SERPINA12: variants seen among roughly 807,000 people sequenced by gnomAD.
The protein encoded by SERPINA12 is serpin A12.
A neutral mutation model predicts 25.9 loss-of-function variants in SERPINA12; 21 were observed. The ratio of observed to expected loss-of-function variants is 0.81; its 90% CI spans 0.58 to 1.17. SERPINA12 has a LOEUF of 1.17. SERPINA12 is among the 50% of genes most tolerant of loss of function. The pLI, the probability that SERPINA12 is intolerant of heterozygous loss-of-function variation, is 0.00. For missense variants in SERPINA12, 562 were observed against 508.3 expected (o/e 1.11, Z -1.02); for synonymous variants, 220 against 196.0 (o/e 1.12, Z -1.02).
chr14:94,511,921 A>G (rs151129990), upstream of SERPINA12, among the ~76,000 whole-genome samples: 96 of 152,122 alleles, frequency 6.3e-4, no homozygotes, highest in African/African-American at 2.3e-3. Flanking sequence ...AATATGGTAA[A>G]ACCCCATCTC....
At chr14:94,500,850 A>G in intron 1 of SERPINA12, 1 of 985,378 alleles carries the variant, frequency 1.0e-6, no homozygotes, top group African/African-American at 1.7e-5. Flanking sequence ...CTTGAAGCCA[A>G]AAACATCCTC....
At position 94,506,346 on chromosome 14, in the gene SERPINA12, A is replaced by T. The variant is rs149567991; in HGVS notation, c.-34+2996T>A. 6.4e-4 allele frequency among the ~76,000 whole-genome samples: 98 copies of T among 152,244 alleles called. No homozygotes were observed. The East Asian group carries it at 0.015, about 23-fold the overall frequency. Reference sequence around the variant, plus strand: ...CCCTAACTCCAAGAGCTCTGGTCTGATGGGAACACAGAACACAGAGATACA... The same window carrying T: ...CCCTAACTCCAAGAGCTCTGGTCTGTTGGGAACACAGAACACAGAGATACA... On this transcript the variant is annotated intron_variant, in intron 1 of 4. Transcript: ENST00000677451.
chr14:94,515,002 A>G (rs541684609), intron 2 of SERPINA12, among the ~76,000 whole-genome samples: 121 of 152,260 alleles, frequency 7.9e-4, no homozygotes, highest in African/African-American at 2.8e-3. Flanking sequence ...CTGGCCAGAA[A>G]AGAAGGCCAA....
chr14:94,497,138 T>G (rs1184682554), intron 2 of SERPINA12, among the ~76,000 whole-genome samples: 2 of 152,240 alleles, frequency 1.3e-5, no homozygotes, highest in African/African-American at 4.8e-5. Context: ...CCAACCTGTT[T>G]GTGTACATGT....
intron 1 of SERPINA12, chr14:94,503,991 G>A (rs1221847173): frequency 1.3e-5 from 2 of 152,236 alleles, no homozygotes; most frequent in East Asian, 1.9e-4. Context: ...GGGTTTACCT[G>A]GATTTTGGAG....
chr14:94,510,111 C>T (rs1595701211), upstream of SERPINA12: 1 of 985,444 alleles, frequency 1.0e-6, no homozygotes, highest in Non-Finnish European at 1.2e-6. Flanking sequence ...CATAATGCAC[C>T]TGGTGGCTGG....
chr14:94,489,824 G>A, intron 3 of SERPINA12, 57 bp from the exon 4 acceptor site: 4 of 1,557,140 alleles, frequency 2.6e-6, no homozygotes, highest in Admixed American at 1.7e-5. Context: ...TGCAGGGCAA[G>A]CCTCAGGATA....
rs578197597 is a variant in SERPINA12, at chr14:94,515,574, C to G, written c.-18+246G>C. 1.3e-4 allele frequency among the ~76,000 whole-genome samples: 20 copies of G among 152,350 alleles called. No individual in the cohort carries two copies. In the South Asian group the frequency reaches 3.5e-3, roughly 27 times the overall value. On this transcript the variant is annotated intron_variant, in intron 2 of 5. Transcript: ENST00000341228. ...CAGCAAATGCTGCTCCACTTGGGCC[C>G]TGCTCCAGGAGCTGGGGACGGCAGG...
At chr14:94,488,008 G>A (rs535200867) in intron 4 of SERPINA12, among the ~76,000 whole-genome samples, 2 of 152,134 alleles carry the variant, frequency 1.3e-5, no homozygotes, top group African/African-American at 4.8e-5. Context: ...GGAAACTAAC[G>A]GGCATGTGTG....
chr14:94,507,573 T>C (rs995107433), intron 1 of SERPINA12, among the ~76,000 whole-genome samples: 1 of 152,146 alleles, frequency 6.6e-6, no homozygotes, highest in Non-Finnish European at 1.5e-5. Flanking sequence ...GATATCCAAA[T>C]GGCCAATAAG....
chr14:94,489,442 G>A (rs1308268889), intron 4 of SERPINA12, among the ~76,000 whole-genome samples, 178 bp downstream of exon 4: 1 of 152,176 alleles, frequency 6.6e-6, no homozygotes, highest in African/African-American at 2.4e-5. Context: ...TGAGGCTGGG[G>A]GAGGTTATGT....
chr14:94,489,151 GAA>G (rs750430473), intron 4 of SERPINA12, among the ~76,000 whole-genome samples: 5 of 141,084 alleles, frequency 3.5e-5, no homozygotes, highest in South Asian at 2.3e-4. Flanking sequence ...GAGAGAGAGA[GAA>G]AGAAAGAAAG....
Position 94,496,450 on chromosome 14 carries a change from A to C in SERPINA12, c.828T>G (p.Asp276Glu). The C allele has an allele frequency of 1.2e-6, 2 of 1,614,184 alleles. No individual in the cohort carries two copies. Among genetic ancestry groups the C allele is most frequent in the Non-Finnish European group, 1.7e-6 (2 of 1,180,032 alleles). ...TCTCCAAGTGCTTCAGCTTGCCCTC[A>C]TCAGGAAGGATGAAGATGGCTGTGA... The part of the protein sequence containing the change: ...KNITAIFILP[D>E]EGKLKHLEKG... Residue 276 changes from aspartate to glutamate, a missense_variant, in exon 3 of 5, where the codon GAT (aspartate) becomes GAG (glutamate). Asp to Glu is a conservative substitution (Grantham distance 45). Transcript: ENST00000677451.
exon 1 of SERPINA12, chr14:94,517,500 C>T (rs936741291): frequency 9.9e-5 from 15 of 152,232 alleles, no homozygotes; most frequent in Admixed American, 7.2e-4. Flanking sequence ...TGATCACCAT[C>T]GTCCCAGTGT....
chr14:94,507,858 T>C (rs1053695487), intron 1 of SERPINA12, among the ~76,000 whole-genome samples: 7 of 152,202 alleles, frequency 4.6e-5, no homozygotes, highest in Non-Finnish European at 7.3e-5. Flanking sequence ...CAACAGGAAA[T>C]GAGTGCTTGT....
chr14:94,492,508 C>G (rs1001146443), intron 3 of SERPINA12, among the ~76,000 whole-genome samples: 1 of 152,132 alleles, frequency 6.6e-6, no homozygotes, highest in African/African-American at 2.4e-5. Flanking sequence ...TCCCTGGCCC[C>G]CTGCGAGGTT....
Position 94,487,321 on chromosome 14 carries a change from A to G in SERPINA12, c.1227T>C (p.Val409=). The G allele has an allele frequency of 1.2e-6, 2 of 1,613,902 alleles. No individual in the cohort carries two copies. The highest frequency in any genetic ancestry group is 1.7e-6 in the Non-Finnish European group (2 of 1,179,902). Residue 409 remains valine (V), a synonymous_variant, in exon 5 of 5, where the codon GTT becomes GTC. Coordinates refer to ENST00000677451, the MANE Select transcript of SERPINA12 (RefSeq NM_001382267.1). ...TTCTCCTTTATTTTCCAATAGGGTT[A>G]ACAATCTTTCCCAGGAAGAGCACGG... ...IPSVLFLGKI[V]NPIGK is the part of the protein sequence containing the mutation.
At chr14:94,506,097 G>T (rs771205582) in intron 1 of SERPINA12, among the ~76,000 whole-genome samples, 42 of 152,176 alleles carry the variant, frequency 2.8e-4, no homozygotes, top group Non-Finnish European at 4.9e-4. Flanking sequence ...ATTTGTGCCT[G>T]GTGTTCATCA....
chr14:94,493,485 G>T (rs1032342631), intron 3 of SERPINA12, among the ~76,000 whole-genome samples: 1 of 152,188 alleles, frequency 6.6e-6, no homozygotes, highest in Admixed American at 6.5e-5. Context: ...GTCCCAGAGG[G>T]ATGGGGGAGG....
Sources: gnomAD v4.1 joint callset for allele counts (sites outside exome capture counted in the v4.1 genomes callset) on GRCh38, gnomAD v4.1.1 for gene constraint, MANE v1.5 for transcripts, NCBI Gene and HGNC (gene_info 2026-07-23, HGNC 2026-07-21) for gene names.